The following CSMD2 variants were observed in gnomAD, a reference collection of about 807,000 sequenced individuals.
CSMD2 encodes the protein CUB and Sushi multiple domains 2, also known as CUB and sushi domain-containing protein 2.
In CSMD2, 130 loss-of-function variants were observed where a neutral mutation model predicts 398.5. The ratio of observed to expected loss-of-function variants is 0.33; its 90% confidence interval spans 0.28 to 0.38. The LOEUF is 0.38. Ranked by LOEUF, CSMD2 falls within the 10% of genes least tolerant of loss-of-function variation. The probability of loss-of-function intolerance (pLI) is 1.00; values close to 1 mark genes in which losing one functional copy is unlikely to be tolerated. For synonymous variants in CSMD2, 1,828 were observed against 1,908.5 expected (o/e 0.96, Z 1.10); for missense variants, 3,829 against 4,764.9 (o/e 0.80, Z 5.78).
intron 2 of CSMD2, among the ~76,000 whole-genome samples, chr1:34,051,210 T>A (rs929427965): frequency 1.3e-5 from 2 of 152,150 alleles, no homozygotes; most frequent in African/African-American, 4.8e-5. Flanking sequence ...AACAACTCAA[T>A]CCAGGCAGGA....
intron 53 of CSMD2, among the ~76,000 whole-genome samples, chr1:33,566,655 A>G (rs1659084796): frequency 6.6e-6 from 1 of 152,190 alleles, no homozygotes; most frequent in Non-Finnish European, 1.5e-5. Context: ...ATATCAAGCA[A>G]AGTACAATTC....
chr1:34,053,550 C>T (rs1653469102), intron 2 of CSMD2, among the ~76,000 whole-genome samples: 1 of 152,156 alleles, frequency 6.6e-6, no homozygotes, highest in Admixed American at 6.5e-5. Flanking sequence ...CTCTTTCTCC[C>T]TTTGTTTCCT....
At chr1:34,063,977 C>T (rs1033014919) in intron 2 of CSMD2, among the ~76,000 whole-genome samples, 1 of 152,218 alleles carries the variant, frequency 6.6e-6, no homozygotes, top group Non-Finnish European at 1.5e-5. Flanking sequence ...CCCTCTGAAG[C>T]CACAGCATGA....
chr1:34,080,860 T>C (rs74068009), intron 2 of CSMD2, among the ~76,000 whole-genome samples: 1,660 of 150,366 alleles, frequency 0.011, 31 homozygotes, highest in African/African-American at 0.038. Flanking sequence ...TGGATCACCC[T>C]AGCATTGGAA....
chr1:33,661,058 G>C (rs1452588970), intron 26 of CSMD2, among the ~76,000 whole-genome samples: 1 of 152,182 alleles, frequency 6.6e-6, no homozygotes, highest in African/African-American at 2.4e-5. Context: ...CATGAGCTGG[G>C]CAATGCATGA....
At chr1:33,536,518 C>T (rs911149103) in intron 62 of CSMD2, among the ~76,000 whole-genome samples, 10 of 152,232 alleles carry the variant, frequency 6.6e-5, no homozygotes, top group Non-Finnish European at 1.0e-4. Context: ...CCACCGCACC[C>T]GGCCATCCTT....
chr1:33,536,290 C>A (rs1299618897), intron 62 of CSMD2, among the ~76,000 whole-genome samples: 2 of 152,180 alleles, frequency 1.3e-5, no homozygotes, highest in Non-Finnish European at 2.9e-5. Flanking sequence ...GTGGTGCGAT[C>A]TTGGCTCACT....
rs535544739 is a variant in CSMD2 at position 33,673,486 on chromosome 1, C to T, written c.4053-10394G>A. 2.5e-3 allele frequency among the ~76,000 whole-genome samples: 375 copies of T among 152,178 alleles called. 12 individuals carry two copies. The highest frequency in any genetic ancestry group is 6.2e-4 in the Non-Finnish European group (42 of 68,004). Reference sequence around the variant, plus strand: ...TGAAAAGACCAAATCTACGTCTGATCGGTGTACCTGAAAGTGACGGGGAGA... The same window carrying T: ...TGAAAAGACCAAATCTACGTCTGATTGGTGTACCTGAAAGTGACGGGGAGA... On this transcript the variant is annotated intron_variant, in intron 25 of 70. Coordinates refer to ENST00000373381, the MANE Select transcript of CSMD2 (RefSeq NM_001281956.2).
intron 4 of CSMD2, among the ~76,000 whole-genome samples, chr1:33,920,907 A>G (rs1004630629): frequency 3.3e-5 from 5 of 152,196 alleles, no homozygotes; most frequent in African/African-American, 1.2e-4. Context: ...AGCTGGCAGC[A>G]TACATCAGCT....
At chr1:33,646,881 AAGGCTTTTGCCG>A in intron 28 of CSMD2, 46 bp from the exon 29 acceptor site, 1 of 1,554,308 alleles carries the variant, frequency 6.4e-7, no homozygotes, top group Non-Finnish European at 8.7e-7. Flanking sequence ...AGGTCAAATA[AAGGCTTTTGCCG>A]GGGTCTTAGG....
At chr1:33,520,381 G>C (rs753787432) in intron 68 of CSMD2, among the ~76,000 whole-genome samples, 1 of 152,182 alleles carries the variant, frequency 6.6e-6, no homozygotes, top group Non-Finnish European at 1.5e-5. Context: ...CTTCTGAAAG[G>C]CTGCCTCTCC....
chr1:33,855,647 CCT>C (rs765608865), intron 5 of CSMD2, among the ~76,000 whole-genome samples: 11 of 152,084 alleles, frequency 7.2e-5, no homozygotes, highest in African/African-American at 2.2e-4. Context: ...CTGGCTGTCC[CCT>C]GTCCCCAGCC....
In CSMD2 at chr1:33,710,087, T is replaced by C. The variant is rs146115154; in HGVS notation, c.3407-829A>G. On this transcript the variant is annotated intron_variant, in intron 21 of 70. Transcript: ENST00000373381. ...CATCCCATTTTACTTCACTTATTTG[T>C]TAACATTTCTATGTCCTCTACTGCA... Among the ~76,000 whole-genome samples, 113 of 152,370 alleles carry C rather than the reference T, an allele frequency of 7.4e-4. 1 individual carries two copies. Among genetic ancestry groups the C allele is most frequent in the African/African-American group, 1.8e-3 (74 of 41,586 alleles).
chr1:33,630,427 C>A (rs1297510785), intron 32 of CSMD2, among the ~76,000 whole-genome samples: 1 of 152,128 alleles, frequency 6.6e-6, no homozygotes, highest in Non-Finnish European at 1.5e-5. Context: ...CTCATTTACT[C>A]CTAACACTAA....
chr1:33,884,322 C>T (rs1641437871), intron 5 of CSMD2, among the ~76,000 whole-genome samples: 3 of 151,828 alleles, frequency 2.0e-5, no homozygotes, highest in Admixed American at 2.0e-4. Flanking sequence ...CCTCTGGCAT[C>T]CCAGGGGCAC....
intron 5 of CSMD2, among the ~76,000 whole-genome samples, chr1:33,885,663 A>AT (rs1264578499): frequency 6.6e-6 from 1 of 152,120 alleles, no homozygotes; most frequent in Non-Finnish European, 1.5e-5. Context: ...AATCTGCCAA[A>AT]TTCCTATGCC....
At chr1:33,998,177 A>C (rs1182782701) in intron 3 of CSMD2, among the ~76,000 whole-genome samples, 1 of 152,120 alleles carries the variant, frequency 6.6e-6, no homozygotes, top group East Asian at 1.9e-4. Flanking sequence ...TGGTGGCTTT[A>C]TAAGAAAATT....
intron 12 of CSMD2, among the ~76,000 whole-genome samples, chr1:33,786,153 T>C (rs12128339): frequency 0.12 from 18,662 of 152,266 alleles, 1,499 homozygotes; most frequent in Non-Finnish European, 0.18. Context: ...ATTTAGTCAA[T>C]GGCTCTACCC....
chr1:33,889,955 A>T (rs10914805), intron 5 of CSMD2, among the ~76,000 whole-genome samples: 95,567 of 151,834 alleles, frequency 0.63, 30,961 homozygotes, highest in East Asian at 0.85. Flanking sequence ...AATTACTCAT[A>T]ATAAAAAGTG....
Sources: gnomAD v4.1 joint callset for allele counts (sites outside exome capture counted in the v4.1 genomes callset) on GRCh38, gnomAD v4.1.1 for gene constraint, MANE v1.5 for transcripts, NCBI Gene and HGNC (gene_info 2026-07-23, HGNC 2026-07-21) for gene names.